The following MAGI2 variants were observed in gnomAD, a reference collection of about 807,000 sequenced individuals.
MAGI2 encodes the protein membrane-associated guanylate kinase, WW and PDZ domain-containing protein 2.
A neutral mutation model predicts 133.3 loss-of-function variants in MAGI2; 35 were observed. The observed-to-expected ratio is 0.26, with a 90% CI of 0.20 to 0.35. The LOEUF is 0.35. Among genes scored for constraint, MAGI2 ranks in the 10% least tolerant of loss-of-function variants. The probability of loss-of-function intolerance (pLI) is 1.00; values close to 1 mark genes in which losing one functional copy is unlikely to be tolerated. For missense variants in MAGI2, 1,636 were observed against 1,863.4 expected (o/e 0.88, Z 2.25); for synonymous variants, 729 against 710.6 (o/e 1.03, Z -0.41).
At chr7:78,845,374 A>G (rs1388614966) in intron 2 of MAGI2, among the ~76,000 whole-genome samples, 1 of 151,918 alleles carries the variant, frequency 6.6e-6, no homozygotes, top group Non-Finnish European at 1.5e-5. Context: ...AAGAATCAAT[A>G]GTAGTTCTAT....
chr7:78,813,986 T>C (rs1563536786), intron 2 of MAGI2, among the ~76,000 whole-genome samples: 1 of 152,110 alleles, frequency 6.6e-6, no homozygotes, highest in South Asian at 2.1e-4. Context: ...ACCCCTTCTA[T>C]TCCACATTAC....
At chr7:79,175,338 T>C (rs750138516) in intron 1 of MAGI2, among the ~76,000 whole-genome samples, 49 of 151,992 alleles carry the variant, frequency 3.2e-4, no homozygotes, top group Non-Finnish European at 5.6e-4. Context: ...TACATATTTC[T>C]TTTATAATAC....
At chr7:78,552,449 C>G (rs557599481) in intron 3 of MAGI2, among the ~76,000 whole-genome samples, 1 of 152,302 alleles carries the variant, frequency 6.6e-6, no homozygotes, top group Non-Finnish European at 1.5e-5. Flanking sequence ...TCCCAAAGTG[C>G]TGGGATTACA....
intron 2 of MAGI2, among the ~76,000 whole-genome samples, chr7:78,723,416 T>A (rs12530773): frequency 0.045 from 6,808 of 152,246 alleles, 230 homozygotes; most frequent in Non-Finnish European, 0.069. Flanking sequence ...ATAAGAACCA[T>A]AAGTGATTCT....
At chr7:79,133,228 C>T (rs182051651) in intron 1 of MAGI2, among the ~76,000 whole-genome samples, 23 of 152,180 alleles carry the variant, frequency 1.5e-4, no homozygotes, top group South Asian at 4.1e-4. Context: ...TTGCCTATGC[C>T]GATGTCTAGA....
intron 6 of MAGI2, among the ~76,000 whole-genome samples, chr7:78,452,468 C>A (rs570262562): frequency 6.6e-6 from 1 of 151,866 alleles, no homozygotes; most frequent in Admixed American, 6.6e-5. Context: ...AGGATAAGAA[C>A]ACTATACTAT....
At chr7:78,689,624 G>T (rs1242279070) in intron 2 of MAGI2, among the ~76,000 whole-genome samples, 5 of 147,698 alleles carry the variant, frequency 3.4e-5, no homozygotes, top group Non-Finnish European at 7.4e-5. Context: ...GATTAGTTTT[G>T]CCTGTTCTAA....
chr7:78,898,756 G>T (rs955698547), intron 2 of MAGI2, among the ~76,000 whole-genome samples: 2 of 152,032 alleles, frequency 1.3e-5, no homozygotes, highest in Non-Finnish European at 2.9e-5. Flanking sequence ...TCCTGTGATT[G>T]TAAGTTTACT....
intron 1 of MAGI2, among the ~76,000 whole-genome samples, chr7:79,282,960 T>A (rs1835764430): frequency 6.6e-6 from 1 of 152,144 alleles, no homozygotes; most frequent in Admixed American, 6.6e-5. Context: ...AATTCTAGGT[T>A]ACTGCACTCT....
intron 14 of MAGI2, among the ~76,000 whole-genome samples, chr7:78,171,698 C>T (rs1398960359): frequency 2.0e-5 from 3 of 152,178 alleles, no homozygotes; most frequent in Admixed American, 1.3e-4. Context: ...ATCAGGATCC[C>T]TTACTTACCA....
chr7:78,406,735 A>C (rs944137862), intron 6 of MAGI2, among the ~76,000 whole-genome samples: 2 of 152,024 alleles, frequency 1.3e-5, no homozygotes, highest in Middle Eastern at 6.3e-3. Flanking sequence ...CCATTTTACC[A>C]CATGCCAAAC....
At chr7:78,304,691 A>G (rs547249775) in intron 9 of MAGI2, among the ~76,000 whole-genome samples, 1 of 152,314 alleles carries the variant, frequency 6.6e-6, no homozygotes, top group East Asian at 1.9e-4. Flanking sequence ...ATGCCAGATG[A>G]TAGTAGCTCC....
intron 1 of MAGI2, among the ~76,000 whole-genome samples, chr7:79,035,740 A>G (rs1485828167): frequency 2.0e-5 from 3 of 152,204 alleles, no homozygotes; most frequent in Non-Finnish European, 2.9e-5. Context: ...TTTTCCCTAC[A>G]AATAATATAG....
At chr7:78,443,601 T>C (rs1304211065) in intron 6 of MAGI2, among the ~76,000 whole-genome samples, 1 of 152,204 alleles carries the variant, frequency 6.6e-6, no homozygotes, top group Non-Finnish European at 1.5e-5. Flanking sequence ...ACTAATCCTG[T>C]ATTATTAAAG....
intron 2 of MAGI2, among the ~76,000 whole-genome samples, chr7:78,821,034 A>T (rs932507273): frequency 1.3e-5 from 2 of 152,048 alleles, no homozygotes; most frequent in African/African-American, 4.8e-5. Context: ...TACTAATCAG[A>T]CATGGAGAAG....
intron 7 of MAGI2, among the ~76,000 whole-genome samples, chr7:78,355,466 G>A (rs973747226): frequency 6.6e-6 from 1 of 152,216 alleles, no homozygotes; most frequent in African/African-American, 2.4e-5. Flanking sequence ...GAGTGGGATG[G>A]GAACTAATAT....
At chr7:79,218,877 G>T (rs848814) in intron 1 of MAGI2, among the ~76,000 whole-genome samples, 112,040 of 152,010 alleles carry the variant, frequency 0.74, 43,648 homozygotes, top group Non-Finnish European at 0.85. Flanking sequence ...CTATTGCATT[G>T]AAAACATGTA....
At position 79,368,842 on chromosome 7, in the gene MAGI2, C is replaced by T. The variant is rs559888040; in HGVS notation, c.301+84178G>A. Among the ~76,000 whole-genome samples, 958 of 108,678 alleles carry T rather than the reference C, an allele frequency of 8.8e-3. 9 individuals are homozygous for T. The highest frequency in any genetic ancestry group is 0.033 in the African/African-American group (902 of 27,674). The allele number at this position is 108,678 out of a possible 152,430, so 71.3% of individuals were successfully genotyped here. A position where few individuals can be genotyped will look rare whatever the true frequency, so the allele number is the denominator to read the frequency against. ...CAGCCTGGGCGACAGAGCGAGACTCCGTCTCAAAAAAAAAAAAAAAAAAAA... is the reference window on the plus strand; with the variant it reads ...CAGCCTGGGCGACAGAGCGAGACTCTGTCTCAAAAAAAAAAAAAAAAAAAA... On this transcript the variant is annotated intron_variant, in intron 1 of 21. Coordinates refer to ENST00000354212, the MANE Select transcript of MAGI2 (RefSeq NM_012301.4).
chr7:79,327,266 T>C (rs1376498633), intron 1 of MAGI2, among the ~76,000 whole-genome samples: 1 of 152,190 alleles, frequency 6.6e-6, no homozygotes, highest in Admixed American at 6.6e-5. Context: ...TGTTTGATAG[T>C]ATTCTTCTGA....
Sources: gnomAD v4.1 joint callset for allele counts (sites outside exome capture counted in the v4.1 genomes callset) on GRCh38, gnomAD v4.1.1 for gene constraint, MANE v1.5 for transcripts, NCBI Gene and HGNC (gene_info 2026-07-23, HGNC 2026-07-21) for gene names.